PABPC4L: variants seen among roughly 807,000 people sequenced by gnomAD.
PABPC4L encodes the protein polyadenylate-binding protein 4-like.
For synonymous variants in PABPC4L, 169 were observed against 164.1 expected (o/e 1.03, Z -0.23); for missense variants, 452 against 451.4 (o/e 1.00, Z -0.01).
At chr4:134,114,853 T>G in the PABPC4L span, among the ~76,000 whole-genome samples, 1 of 152,088 alleles carries the variant, frequency 6.6e-6, no homozygotes, top group Non-Finnish European at 1.5e-5. Context: ...TGAATTATCA[T>G]CTCTGCCTTT....
the PABPC4L span, among the ~76,000 whole-genome samples, chr4:134,089,008 A>AT: frequency 2.6e-5 from 4 of 152,164 alleles, no homozygotes; most frequent in South Asian, 6.2e-4. Context: ...GATTTTAGCA[A>AT]TTTTTTGTCT....
chr4:133,962,650 G>A, the PABPC4L span, among the ~76,000 whole-genome samples: 1 of 152,166 alleles, frequency 6.6e-6, no homozygotes, highest in Non-Finnish European at 1.5e-5. Flanking sequence ...TAAAGCTAGA[G>A]TTTCTAGCTT....
chr4:134,192,245 G>C (rs1324752763), downstream of PABPC4L, among the ~76,000 whole-genome samples: 1 of 152,050 alleles, frequency 6.6e-6, no homozygotes, highest in Non-Finnish European at 1.5e-5. Context: ...AAAACATTAA[G>C]TGAAAGAAGG....
the PABPC4L span, among the ~76,000 whole-genome samples, chr4:134,122,883 T>C: frequency 6.6e-6 from 1 of 152,000 alleles, no homozygotes; most frequent in African/African-American, 2.4e-5. Context: ...TATTTATATA[T>C]ACATATATTA....
chr4:134,179,235 G>A, the PABPC4L span, among the ~76,000 whole-genome samples: 1 of 151,866 alleles, frequency 6.6e-6, no homozygotes, highest in Non-Finnish European at 1.5e-5. Context: ...TAAAACTGGG[G>A]GCCAATATTC....
chr4:134,192,120 T>G (rs996279989), downstream of PABPC4L, among the ~76,000 whole-genome samples: 1 of 152,082 alleles, frequency 6.6e-6, no homozygotes, highest in African/African-American at 2.4e-5. Context: ...ACATTCCAAA[T>G]GTCCATCAAG....
chr4:134,164,534 C>T, the PABPC4L span, among the ~76,000 whole-genome samples: 1 of 151,696 alleles, frequency 6.6e-6, no homozygotes. Context: ...ACAATAGCTG[C>T]AAAAAAATTG....
At chr4:134,123,157 T>C in the PABPC4L span, among the ~76,000 whole-genome samples, 27 of 152,128 alleles carry the variant, frequency 1.8e-4, no homozygotes, top group South Asian at 5.2e-3. Context: ...TTAATATATA[T>C]TGCTGATTTA....
the PABPC4L span, among the ~76,000 whole-genome samples, chr4:134,044,396 T>C: frequency 6.6e-6 from 1 of 152,132 alleles, no homozygotes; most frequent in African/African-American, 2.4e-5. Flanking sequence ...CCTGAGTAGC[T>C]GGGACTACAG....
At chr4:133,960,578 G>A in the PABPC4L span, among the ~76,000 whole-genome samples, 2 of 152,162 alleles carry the variant, frequency 1.3e-5, no homozygotes, top group Non-Finnish European at 2.9e-5. Context: ...GTCAGAACTC[G>A]GGGGAGGGCA....
the PABPC4L span, among the ~76,000 whole-genome samples, chr4:134,007,624 A>G: frequency 6.6e-6 from 1 of 151,660 alleles, no homozygotes; most frequent in Admixed American, 6.6e-5. Flanking sequence ...CTCAATTTCA[A>G]CATAAGTAAA....
the PABPC4L span, among the ~76,000 whole-genome samples, chr4:133,971,029 A>C: frequency 6.6e-6 from 1 of 150,404 alleles, no homozygotes; most frequent in Admixed American, 6.6e-5. Context: ...AGTGACCACT[A>C]TCTCCTCTCT....
At chr4:134,002,169 A>G in the PABPC4L span, among the ~76,000 whole-genome samples, 1 of 151,970 alleles carries the variant, frequency 6.6e-6, no homozygotes, top group Non-Finnish European at 1.5e-5. Flanking sequence ...GGACAGCTTC[A>G]AAGAATAACT....
chr4:134,097,713 C>T, the PABPC4L span, among the ~76,000 whole-genome samples: 21 of 151,886 alleles, frequency 1.4e-4, no homozygotes, highest in Non-Finnish European at 2.7e-4. Context: ...CAAATCACGA[C>T]TCGACTCTAA....
the PABPC4L span, among the ~76,000 whole-genome samples, chr4:134,079,578 C>CAAAAAAAAAAAAAAA: frequency 1.1e-5 from 1 of 90,696 alleles, no homozygotes; most frequent in African/African-American, 4.1e-5. Context: ...GACTTCCTCT[C>CAAAAAAAAAAAAAAA]AAAAAAAAAA....
At chr4:134,125,535 C>T in the PABPC4L span, among the ~76,000 whole-genome samples, 67 of 151,944 alleles carry the variant, frequency 4.4e-4, no homozygotes, top group African/African-American at 1.6e-3. Flanking sequence ...TAAGAAGCTA[C>T]GTATGGATAC....
the PABPC4L span, among the ~76,000 whole-genome samples, chr4:134,067,464 C>T: frequency 6.6e-6 from 1 of 151,782 alleles, no homozygotes; most frequent in South Asian, 2.1e-4. Context: ...CTTATGTATT[C>T]TTTCAATAAA....
At chr4:134,131,961 G>T in the PABPC4L span, among the ~76,000 whole-genome samples, 1 of 151,824 alleles carries the variant, frequency 6.6e-6, no homozygotes, top group Non-Finnish European at 1.5e-5. Flanking sequence ...AACAAATTGG[G>T]GAATGGACAT....
At chr4:134,043,392 A>G in the PABPC4L span, among the ~76,000 whole-genome samples, 4 of 152,192 alleles carry the variant, frequency 2.6e-5, no homozygotes, top group Admixed American at 2.6e-4. Context: ...TATCTATAGA[A>G]AGAATAAGAT....
Sources: allele counts gnomAD v4.1 joint callset (sites outside exome capture counted in the v4.1 genomes callset), GRCh38; gene constraint gnomAD v4.1.1; transcripts MANE v1.5; gene names NCBI Gene and HGNC (gene_info 2026-07-23, HGNC 2026-07-21).